Variants in LAMA2 observed in about 807,000 individuals in gnomAD.
LAMA2 encodes laminin subunit alpha-2.
Under a neutral mutation model 364.8 loss-of-function variants are expected in LAMA2, and 269 were observed. The observed-to-expected ratio is 0.74, with a 90% CI of 0.67 to 0.82. The LOEUF (loss-of-function observed/expected upper bound fraction) is 0.82, where lower values mean the gene tolerates loss of function less well. Among genes scored for constraint, LAMA2 ranks in the 40% least tolerant of loss-of-function variants. The pLI is 0.00. For missense variants in LAMA2, 3,807 were observed against 3,873.2 expected (o/e 0.98, Z 0.45); for synonymous variants, 1,379 against 1,370.6 (o/e 1.01, Z -0.14).
rs751528737 is a variant in LAMA2 at position 129,491,995 on chromosome 6, G to C, written c.7993G>C (p.Ala2665Pro). Residue 2665 changes from alanine (A) to proline (P), a missense_variant, in exon 57 of 65, where the codon GCT becomes CCT. Physicochemically the swap from Ala to Pro is conservative, Grantham distance 27. Coordinates refer to ENST00000421865, the MANE Select transcript of LAMA2 (RefSeq NM_000426.4). ...IEVKKLFVGG[A>P]PPEFQPSPLR... Reference sequence around the variant, plus strand: ...AGTTAAAAAGCTTTTCGTTGGGGGTGCTCCACCTGAATTTCAACCTTCCCC... The same window carrying C: ...AGTTAAAAAGCTTTTCGTTGGGGGTCCTCCACCTGAATTTCAACCTTCCCC... 1 of 1,613,944 alleles carries C rather than the reference G, an allele frequency of 6.2e-7. No homozygotes were observed. The highest frequency in any genetic ancestry group is 1.1e-5 in the South Asian group (1 of 91,078).
chr6:129,245,264 G>T (rs1477755112), intron 12 of LAMA2, among the ~76,000 whole-genome samples: 1 of 152,098 alleles, frequency 6.6e-6, no homozygotes, highest in Admixed American at 6.6e-5. Context: ...TTCATCCCTA[G>T]TAAATATAGT....
At chr6:129,375,334 A>G (rs1778310891) in intron 34 of LAMA2, among the ~76,000 whole-genome samples, 1 of 152,124 alleles carries the variant, frequency 6.6e-6, no homozygotes, top group African/African-American at 2.4e-5. Flanking sequence ...TGATGACTCT[A>G]CTTACCTCTA....
At position 129,316,022 on chromosome 6, in the gene LAMA2, CTCT is replaced by C; in HGVS notation, c.3925-11_3925-9del. 2 of 1,614,032 alleles carry C rather than the reference CTCT, an allele frequency of 1.2e-6. No individual in the cohort carries two copies. The highest frequency in any genetic ancestry group is 1.1e-5 in the South Asian group (1 of 91,078). On this transcript the variant is annotated splice_polypyrimidine_tract_variant and intron_variant, in intron 26 of 64. Transcript: ENST00000421865. Reference sequence around the variant, plus strand: ...GCATTCAGTTTTGTCATAGTGATTTCTCTTCTTGTTAACAGAAAGAATGGAAAT... The same window carrying C: ...GCATTCAGTTTTGTCATAGTGATTTCTCTTGTTAACAGAAAGAATGGAAAT...
At chr6:129,146,868 C>T (rs1358886978) in intron 5 of LAMA2, 91 bp from the exon 6 acceptor site, 4 of 844,116 alleles carry the variant, frequency 4.7e-6, no homozygotes, top group Non-Finnish European at 8.3e-6. Flanking sequence ...AGGATAAAAG[C>T]AGAAAATAAA....
chr6:129,175,517 A>T (rs1221512602), intron 9 of LAMA2, among the ~76,000 whole-genome samples: 1 of 152,248 alleles, frequency 6.6e-6, no homozygotes, highest in Non-Finnish European at 1.5e-5. Flanking sequence ...AAATTGAATT[A>T]CATAGCTCTC....
intron 41 of LAMA2, among the ~76,000 whole-genome samples, chr6:129,432,639 G>A (rs927366259): frequency 1.3e-5 from 2 of 152,090 alleles, no homozygotes. Context: ...GGATGGTGGG[G>A]CCTGTGTTAA....
chr6:129,283,648 C>T (rs1415998245), intron 18 of LAMA2, among the ~76,000 whole-genome samples: 1 of 151,146 alleles, frequency 6.6e-6, no homozygotes, highest in Non-Finnish European at 1.5e-5. Context: ...AATTCATCTA[C>T]AGTTTTATCC....
intron 3 of LAMA2, among the ~76,000 whole-genome samples, chr6:129,086,632 G>T (rs1774402118): frequency 6.6e-6 from 1 of 152,190 alleles, no homozygotes; most frequent in Non-Finnish European, 1.5e-5. Context: ...AGGCAAAACT[G>T]GATCTATGAA....
chr6:129,320,725 G>A lies in LAMA2; in HGVS notation c.4176+70G>A, dbSNP rs564383009. ...GAGCTAAATGGAAATACTCCCAGAA[G>A]TACCTTTACTGCATACATATTCTTA... is the stretch of plus-strand genomic sequence containing the variant. On this transcript the variant is annotated intron_variant, in intron 28 of 64. Transcript: ENST00000421865. The A allele has an allele frequency of 2.7e-5, 22 of 826,424 alleles. No individual in the cohort carries two copies. In the East Asian group the frequency reaches 3.9e-4, roughly 15 times the overall value. The allele number at this position is 826,424 out of a possible 1,614,324, so 51.2% of individuals were successfully genotyped here.
chr6:129,430,456 G>T (rs1187632945), intron 41 of LAMA2, among the ~76,000 whole-genome samples: 1 of 152,148 alleles, frequency 6.6e-6, no homozygotes, highest in Non-Finnish European at 1.5e-5. Flanking sequence ...AATTTGTTTT[G>T]CTTTTTAATT....
intron 13 of LAMA2, among the ~76,000 whole-genome samples, chr6:129,251,070 CTCTCTCTATATATATATATA>C (rs1786186519): frequency 3.0e-5 from 2 of 67,622 alleles, no homozygotes; most frequent in Non-Finnish European, 3.2e-5. Context: ...CTCTCTCTCT[CTCTCTCTATATATATATATA>C]TATATATATA....
intron 4 of LAMA2, among the ~76,000 whole-genome samples, chr6:129,126,517 T>TC (rs1777123682): frequency 6.6e-6 from 1 of 151,966 alleles, no homozygotes; most frequent in African/African-American, 2.4e-5. Context: ...TCATTTTTTT[T>TC]CTCAATGTGT....
At chr6:129,244,027 A>G (rs758228291) in intron 12 of LAMA2, among the ~76,000 whole-genome samples, 6 of 152,054 alleles carry the variant, frequency 3.9e-5, no homozygotes, top group Admixed American at 6.6e-5. Flanking sequence ...TTTTTTATTT[A>G]TATCCCCTGG....
intron 12 of LAMA2, among the ~76,000 whole-genome samples, chr6:129,239,751 A>G (rs180849932): frequency 6.6e-6 from 1 of 152,278 alleles, no homozygotes; most frequent in Non-Finnish European, 1.5e-5. Context: ...CCTGGGCTCA[A>G]GCAATCCTCC....
chr6:129,383,248 C>T lies in LAMA2; in HGVS notation c.5071+15C>T. 1 of 1,563,272 alleles carries T rather than the reference C, an allele frequency of 6.4e-7. No homozygotes were observed. Among genetic ancestry groups the T allele is most frequent in the African/African-American group, 1.3e-5 (1 of 74,118 alleles). On this transcript the variant is annotated intron_variant, in intron 35 of 64. Transcript: ENST00000421865. ...GGATGCAGAAGGTATTAGAAAGAAT[C>T]ACATTTTAATCATCATTTCTCCCAA...
chr6:129,180,954 A>T, intron 10 of LAMA2, among the ~76,000 whole-genome samples: 1 of 151,926 alleles, frequency 6.6e-6, no homozygotes, highest in East Asian at 1.9e-4. Flanking sequence ...TTGCAGCTGA[A>T]CTCCCTGAAG....
chr6:129,112,201 G>GA (rs984683411), intron 4 of LAMA2, among the ~76,000 whole-genome samples: 2 of 151,776 alleles, frequency 1.3e-5, no homozygotes, highest in African/African-American at 2.4e-5. Flanking sequence ...TATGTCAAGG[G>GA]AAAAAAATCC....
At chr6:128,965,979 GTTTTT>G (rs11342050) in intron 1 of LAMA2, among the ~76,000 whole-genome samples, 1 of 112,796 alleles carries the variant, frequency 8.9e-6, no homozygotes. Flanking sequence ...TAAACCAGAG[GTTTTT>G]TTTTTTTTTT....
chr6:129,425,259 G>A (rs1359278238), intron 40 of LAMA2, among the ~76,000 whole-genome samples: 2 of 151,934 alleles, frequency 1.3e-5, no homozygotes, highest in Admixed American at 1.3e-4. Context: ...ATTTATGCCA[G>A]TTTTAACTCA....
Sources: allele counts gnomAD v4.1 joint callset (sites outside exome capture counted in the v4.1 genomes callset), GRCh38; gene constraint gnomAD v4.1.1; transcripts MANE v1.5; gene names NCBI Gene and HGNC (gene_info 2026-07-23, HGNC 2026-07-21).